PALMD: variants seen among roughly 807,000 people sequenced by gnomAD.
The protein encoded by PALMD is palmdelphin.
A neutral mutation model predicts 56.2 loss-of-function variants in PALMD; 42 were observed. The observed-to-expected ratio is 0.75, with a 90% CI of 0.58 to 0.97. The LOEUF is 0.97. Ranked by LOEUF, PALMD falls within the 50% of genes least tolerant of loss-of-function variation. The pLI is 0.00. For missense variants in PALMD, 660 were observed against 643.8 expected (o/e 1.03, Z -0.27); for synonymous variants, 242 against 222.9 (o/e 1.09, Z -0.76).
intron 7 of PALMD, among the ~76,000 whole-genome samples, chr1:99,692,406 A>G (rs187097969): frequency 4.7e-4 from 71 of 152,320 alleles, no homozygotes; most frequent in African/African-American, 1.6e-3. Context: ...TGGGAAGAAG[A>G]GGCAGGGATC....
intron 1 of PALMD, among the ~76,000 whole-genome samples, chr1:99,650,916 T>G (rs574020061): frequency 1.3e-4 from 20 of 152,306 alleles, no homozygotes; most frequent in Non-Finnish European, 7.4e-5. Context: ...CCCTAACACG[T>G]GTTTGGATCA....
In PALMD at chr1:99,688,918, G is replaced by A. The variant is rs1653588932; in HGVS notation, c.658G>A (p.Val220Ile). The A allele has an allele frequency of 1.9e-6, 3 of 1,613,638 alleles. No homozygotes were observed. The highest frequency in any genetic ancestry group is 2.5e-6 in the Non-Finnish European group (3 of 1,179,762). ...YDDGQKSVYA[V>I]SSNHSAAYNG... ...TGATGGGCAAAAGTCAGTGTATGCA[G>A]TAAGTTCTAATCACAGTGCAGCATA... The change falls in exon 7 of 8, where the codon GTA (valine) becomes ATA (isoleucine). Residue 220 changes from valine (V) to isoleucine (I), a missense_variant. Coordinates refer to ENST00000263174, the MANE Select transcript of PALMD (RefSeq NM_017734.5).
In PALMD at chr1:99,689,500, A is replaced by T; in HGVS notation, c.1240A>T (p.Thr414Ser). The T allele has an allele frequency of 6.2e-7, 1 of 1,613,882 alleles. No individual in the cohort carries two copies. The highest frequency in any genetic ancestry group is 8.5e-7 in the Non-Finnish European group (1 of 1,179,884). Residue 414 changes from threonine to serine, a missense_variant, in exon 7 of 8, where the codon ACA becomes TCA. Transcript: ENST00000263174. ...AGACATAAATGATACAGAACCGGTG[A>T]CAATGATTTTCATGGGGTATCAGCA... Reference protein sequence around the residue: ...PPDINDTEPVTMIFMGYQQAE... With the variant: ...PPDINDTEPVSMIFMGYQQAE...
chr1:99,676,228 G>T (rs1302298504), intron 3 of PALMD, among the ~76,000 whole-genome samples: 2 of 152,150 alleles, frequency 1.3e-5, no homozygotes, highest in African/African-American at 4.8e-5. Context: ...GTTTGCACTA[G>T]TAGGCTAGAT....
At chr1:99,663,047 G>C (rs1471840683) in intron 2 of PALMD, among the ~76,000 whole-genome samples, 2 of 152,074 alleles carry the variant, frequency 1.3e-5, no homozygotes, top group African/African-American at 4.8e-5. Flanking sequence ...ACAAACAGCA[G>C]CTCCTTGTGA....
intron 1 of PALMD, among the ~76,000 whole-genome samples, chr1:99,653,194 G>A (rs1652634234): frequency 6.6e-6 from 1 of 152,168 alleles, no homozygotes; most frequent in Non-Finnish European, 1.5e-5. Flanking sequence ...ACTGTCCTGG[G>A]TGAGTGAATG....
intron 3 of PALMD, chr1:99,684,979 G>T (rs1043340480): frequency 1.3e-5 from 2 of 152,172 alleles, no homozygotes; most frequent in African/African-American, 2.4e-5. Flanking sequence ...TCTACCAAAA[G>T]GCTTTCCTTT....
At chr1:99,669,116 G>A (rs1653031405) in intron 3 of PALMD, 1 of 152,132 alleles carries the variant, frequency 6.6e-6, no homozygotes. Flanking sequence ...ATCTCATTAG[G>A]CTTAAGACTG....
rs11802313 is a variant in PALMD, at chr1:99,687,020, T to C, written c.401-56T>C. ...ACTAAGTTTTTTTGGTAATTTGAAA[T>C]TGTTCCCATTGTAAATATATTCTAA... On this transcript the variant is annotated intron_variant, in intron 5 of 7. Coordinates refer to ENST00000263174, the MANE Select transcript of PALMD (RefSeq NM_017734.5). 1,857 of 1,510,170 alleles carry C rather than the reference T, an allele frequency of 1.2e-3. 29 individuals carry two copies. In the African/African-American group the frequency reaches 0.023, roughly 19 times the overall value. The allele number at this position is 1,510,170 out of a possible 1,614,324, so 93.5% of individuals were successfully genotyped here.
In PALMD at chr1:99,662,792, A is replaced by C. The variant is rs527334518; in HGVS notation, c.126+393A>C. 3.3e-5 allele frequency among the ~76,000 whole-genome samples: 5 copies of C among 152,300 alleles called. No homozygotes were observed. The South Asian group carries it at 1.0e-3, about 32-fold the overall frequency. On this transcript the variant is annotated intron_variant, in intron 2 of 7. Transcript: ENST00000263174. ...AGTCATTCCCCCGGGGGTGCAGAAC[A>C]GTGTCTGGCCTGGTCAAGGATGCTT...
intron 3 of PALMD, among the ~76,000 whole-genome samples, chr1:99,679,611 C>T (rs1050076394): frequency 3.3e-5 from 5 of 152,114 alleles, no homozygotes; most frequent in Admixed American, 1.3e-4. Flanking sequence ...ACTCGTGGGC[C>T]CCAGCTATCA....
At position 99,667,460 on chromosome 1, in the gene PALMD, T is replaced by G. The variant is rs1652992047; in HGVS notation, c.127-182T>G. ...GGATTTAGATGCATAAAACCTGGCT[T>G]TGAATACAGTCAAGAAGGTTACAAT... On this transcript the variant is annotated intron_variant, in intron 2 of 7. Transcript: ENST00000263174. 3 of 607,264 alleles carry G rather than the reference T, an allele frequency of 4.9e-6. No homozygotes were observed. The South Asian group carries it at 6.2e-5, about 12-fold the overall frequency. 37.6% of individuals were successfully genotyped at this position (607,264 alleles called of 1,614,324 possible). A position where few individuals can be genotyped will look rare whatever the true frequency, so the allele number is the denominator to read the frequency against.
chr1:99,685,424 T>C (rs913316615), intron 3 of PALMD: 1 of 152,206 alleles, frequency 6.6e-6, no homozygotes, highest in African/African-American at 2.4e-5. Flanking sequence ...GCAGTCACAG[T>C]TCAGTCACTT....
Position 99,686,658 on chromosome 1 carries a change from A to T in PALMD, c.252-18A>T. The T allele has an allele frequency of 7.7e-7, 1 of 1,290,576 alleles. No homozygotes were observed. The highest frequency in any genetic ancestry group is 1.2e-5 in the South Asian group (1 of 81,120). The allele number at this position is 1,290,576 out of a possible 1,614,324, so 79.9% of individuals were successfully genotyped here. On this transcript the variant is annotated intron_variant, in intron 3 of 7. Transcript: ENST00000263174. ...TGTACTGTGTTAAGCAATAAAAAGT[A>T]TACCTTTTTGTTGTCAGGCTTGAGA...
At chr1:99,666,205 C>T (rs534792373) in intron 2 of PALMD, among the ~76,000 whole-genome samples, 2 of 151,950 alleles carry the variant, frequency 1.3e-5, no homozygotes, top group African/African-American at 2.4e-5. Context: ...TTCCATATAA[C>T]ATTTGTTTGT....
intron 3 of PALMD, among the ~76,000 whole-genome samples, chr1:99,670,138 C>T (rs1033589110): frequency 2.6e-5 from 4 of 152,166 alleles, no homozygotes; most frequent in Non-Finnish European, 4.4e-5. Context: ...TCTCCAACCA[C>T]ACTTAGGGTC....
chr1:99,650,887 T>C (rs773311383), intron 1 of PALMD, among the ~76,000 whole-genome samples: 9 of 152,214 alleles, frequency 5.9e-5, no homozygotes, highest in African/African-American at 9.6e-5. Context: ...AACTAGTCTG[T>C]GTCTTTAACA....
At position 99,673,702 on chromosome 1, in the gene PALMD, A is replaced by G. The variant is rs145699881; in HGVS notation, c.251+5936A>G. ...ATAGTCTGATTATTTTTAATTCAGG[A>G]GCTTCACTTTTAACAAAAAAAAGCC... is the stretch of plus-strand genomic sequence containing the variant. On this transcript the variant is annotated intron_variant, in intron 3 of 7. Coordinates refer to ENST00000263174, the MANE Select transcript of PALMD (RefSeq NM_017734.5). 5.0e-3 allele frequency among the ~76,000 whole-genome samples: 765 copies of G among 152,234 alleles called. 7 individuals are homozygous for G. Among genetic ancestry groups the G allele is most frequent in the African/African-American group, 0.016 (667 of 41,492 alleles).
chr1:99,672,648 A>C (rs1009058519), intron 3 of PALMD, among the ~76,000 whole-genome samples: 3 of 152,034 alleles, frequency 2.0e-5, no homozygotes, highest in Non-Finnish European at 4.4e-5. Context: ...CCCTTAGCCA[A>C]ACTGCCCTGT....
Sources: gnomAD v4.1 joint callset for allele counts (sites outside exome capture counted in the v4.1 genomes callset) on GRCh38, gnomAD v4.1.1 for gene constraint, MANE v1.5 for transcripts, NCBI Gene and HGNC (gene_info 2026-07-23, HGNC 2026-07-21) for gene names.